Variants in ANKS1A observed in about 807,000 individuals in gnomAD.
The protein encoded by ANKS1A is ankyrin repeat and sterile alpha motif domain containing 1A, also known as ankyrin repeat and SAM domain-containing protein 1A.
ANKS1A carries 55 observed loss-of-function variants against 120.3 expected under a neutral mutation model. The ratio of observed to expected loss-of-function variants is 0.46; its 90% CI spans 0.37 to 0.57. The LOEUF (loss-of-function observed/expected upper bound fraction) is 0.57. Among genes scored for constraint, ANKS1A ranks in the 20% least tolerant of loss-of-function variants. ANKS1A has a pLI of 0.00. For missense variants in ANKS1A, 1,123 were observed against 1,480.3 expected (o/e 0.76, Z 3.96); for synonymous variants, 590 against 604.7 (o/e 0.98, Z 0.36).
At position 35,091,146 on chromosome 6, in the gene ANKS1A, A is replaced by ATCTT. The variant is rs750514885; in HGVS notation, c.*2539_*2542dup. 37 of 985,754 alleles carry ATCTT rather than the reference A, an allele frequency of 3.8e-5. No individual in the cohort carries two copies. The highest frequency in any genetic ancestry group is 4.3e-5 in the Non-Finnish European group (36 of 829,940). The allele number at this position is 985,754 out of a possible 1,614,324, so 61.1% of individuals were successfully genotyped here. ...TGAACTGTAATGAAAATGTTATTTA[A>ATCTT]TCTTTGTCTCTGTATTTTGATACTT... On this transcript the variant is annotated 3_prime_UTR_variant, in exon 24 of 24. Transcript: ENST00000360359.
rs1478576858 is a variant in ANKS1A, at chr6:35,050,937, T to C, written c.2011-3162T>C. On this transcript the variant is annotated intron_variant, in intron 11 of 23. Coordinates refer to ENST00000360359, the MANE Select transcript of ANKS1A (RefSeq NM_015245.3). The surrounding 1 kb of genome is among the most constrained non-coding windows in gnomAD (Gnocchi z 4.3). Reference sequence around the variant, plus strand: ...GAACCAGCTCAGCTTGACTTAGCCATGGCAGTTCACAGAACAATAGAACAA... The same window carrying C: ...GAACCAGCTCAGCTTGACTTAGCCACGGCAGTTCACAGAACAATAGAACAA... Among the ~76,000 whole-genome samples the C allele has an allele frequency of 6.6e-6, 1 of 152,142 alleles. No homozygotes were observed. Among genetic ancestry groups the C allele is most frequent in the African/African-American group, 2.4e-5 (1 of 41,424 alleles).
In ANKS1A at chr6:35,016,786, A is replaced by G. The variant is rs757096083; in HGVS notation, c.1424-687A>G. ...TCTCAAAAAAAAAAAAAAAAAAGAG[A>G]GAGAGAAAGAAAAGTCTGTGCTCCC... On this transcript the variant is annotated intron_variant, in intron 10 of 23. Transcript: ENST00000360359. Among the ~76,000 whole-genome samples the G allele has an allele frequency of 6.3e-4, 92 of 145,928 alleles. 2 individuals carry two copies. Among genetic ancestry groups the G allele is most frequent in the Non-Finnish European group, 4.8e-4 (32 of 66,568 alleles).
At chr6:34,998,708 A>T (rs1414202925) in intron 10 of ANKS1A, among the ~76,000 whole-genome samples, 1 of 152,114 alleles carries the variant, frequency 6.6e-6, no homozygotes, top group Non-Finnish European at 1.5e-5. Flanking sequence ...CTTAAAAGGG[A>T]CAGGAATTGC....
intron 1 of ANKS1A, among the ~76,000 whole-genome samples, chr6:34,919,670 T>G (rs1195292064): frequency 6.6e-6 from 1 of 152,196 alleles, no homozygotes; most frequent in African/African-American, 2.4e-5. Flanking sequence ...CAGTATGACC[T>G]TGGGCAAGTT....
At chr6:35,013,355 C>T (rs1341639419) in intron 10 of ANKS1A, among the ~76,000 whole-genome samples, 1 of 152,084 alleles carries the variant, frequency 6.6e-6, no homozygotes, top group African/African-American at 2.4e-5. Context: ...AGTGCAGTGG[C>T]ATGATCACAG....
At chr6:34,957,437 A>G (rs1770428687) in intron 1 of ANKS1A, among the ~76,000 whole-genome samples, 1 of 152,250 alleles carries the variant, frequency 6.6e-6, no homozygotes, top group Non-Finnish European at 1.5e-5. Context: ...TCTTTTCTAA[A>G]TTAGACTGAT....
Position 34,970,052 on chromosome 6 carries a change from C to T in ANKS1A, c.321C>T (p.Asn107=), listed in dbSNP as rs150247971. The T allele has an allele frequency of 4.2e-4, 681 of 1,614,134 alleles. 2 individuals carry two copies. The highest frequency in any genetic ancestry group is 1.2e-3 in the Middle Eastern group (7 of 6,052). ...TTCTGAGGAACGATGCGCTGACCAACGTGGCTGACTCAAAAGGCTGCTACC... is the reference window on the plus strand; with the variant it reads ...TTCTGAGGAACGATGCGCTGACCAATGTGGCTGACTCAAAAGGCTGCTACC... ...EVLLRNDALT[N]VADSKGCYPL... The change falls in exon 3 of 24, where the codon AAC becomes AAT. Residue 107 remains asparagine (N), a synonymous_variant. Coordinates refer to ENST00000360359, the MANE Select transcript of ANKS1A (RefSeq NM_015245.3).
chr6:34,940,813 C>T (rs926979716), intron 1 of ANKS1A, among the ~76,000 whole-genome samples: 5 of 150,846 alleles, frequency 3.3e-5, no homozygotes, highest in Non-Finnish European at 5.9e-5. Context: ...GAGGCTGAGG[C>T]GGGAGAATCG....
chr6:35,048,900 A>C (rs1775844011), intron 11 of ANKS1A, among the ~76,000 whole-genome samples: 1 of 152,186 alleles, frequency 6.6e-6, no homozygotes, highest in South Asian at 2.1e-4. Flanking sequence ...GCACTGTCCA[A>C]GCAAGGCCAT....
chr6:35,090,049 G>T lies in ANKS1A; in HGVS notation c.*1440G>T. 8.0e-7 allele frequency: 1 copy of T among 1,247,482 alleles called. No homozygotes were observed. The highest frequency in any genetic ancestry group is 1.0e-6 in the Non-Finnish European group (1 of 966,664). The allele number at this position is 1,247,482 out of a possible 1,614,324, so 77.3% of individuals were successfully genotyped here. On this transcript the variant is annotated 3_prime_UTR_variant, in exon 24 of 24. Transcript: ENST00000360359. ...GTGGTTGGCCAGAAATCAGAAGTGGGGCTGTGTCTCTGACTGGCTAGAGGC... is the reference window on the plus strand; with the variant it reads ...GTGGTTGGCCAGAAATCAGAAGTGGTGCTGTGTCTCTGACTGGCTAGAGGC...
intron 1 of ANKS1A, among the ~76,000 whole-genome samples, chr6:34,896,308 G>A (rs1290536755): frequency 6.6e-6 from 1 of 152,092 alleles, no homozygotes; most frequent in Non-Finnish European, 1.5e-5. Flanking sequence ...GACTTCAAGT[G>A]ATCTGCCTGC....
intron 10 of ANKS1A, 92 bp from the exon 11 acceptor site, chr6:35,017,381 C>A: frequency 7.5e-7 from 1 of 1,329,918 alleles, no homozygotes; most frequent in Non-Finnish European, 1.0e-6. Context: ...TCTGTGAATT[C>A]CTCTGCTTTG....
rs556112370 is a variant in ANKS1A, at chr6:35,050,787, C to T, written c.2011-3312C>T. Among the ~76,000 whole-genome samples the T allele has an allele frequency of 1.8e-4, 28 of 152,292 alleles. No homozygotes were observed. Among genetic ancestry groups the T allele is most frequent in the Admixed American group, 1.8e-3 (28 of 15,298 alleles). ...CTGCCAATCTCTGCCCAAACAGGACCTCTTCGCTGCCATGTCCCTCCTGGC... is the reference window on the plus strand; with the variant it reads ...CTGCCAATCTCTGCCCAAACAGGACTTCTTCGCTGCCATGTCCCTCCTGGC... On this transcript the variant is annotated intron_variant, in intron 11 of 23. Coordinates refer to ENST00000360359, the MANE Select transcript of ANKS1A (RefSeq NM_015245.3). The surrounding 1 kb of genome is among the most constrained non-coding windows in gnomAD (Gnocchi z 4.3).
At chr6:34,940,999 T>G (rs1344758170) in intron 1 of ANKS1A, among the ~76,000 whole-genome samples, 1 of 152,146 alleles carries the variant, frequency 6.6e-6, no homozygotes, top group Non-Finnish European at 1.5e-5. Flanking sequence ...AAAAAAAATT[T>G]TTTTTTTGAG....
At chr6:35,010,182 A>AT (rs542630603) in intron 10 of ANKS1A, among the ~76,000 whole-genome samples, 10 of 150,712 alleles carry the variant, frequency 6.6e-5, no homozygotes, top group East Asian at 3.9e-4. Context: ...AATAATAATA[A>AT]TTTTTTTTTT....
chr6:34,913,662 A>G (rs1463887060), intron 1 of ANKS1A, among the ~76,000 whole-genome samples: 1 of 151,574 alleles, frequency 6.6e-6, no homozygotes, highest in Non-Finnish European at 1.5e-5. Context: ...TTTGAGACAG[A>G]GTTTTGCTCT....
In ANKS1A at chr6:35,090,457, G is replaced by T; in HGVS notation, c.*1848G>T. On this transcript the variant is annotated 3_prime_UTR_variant, in exon 24 of 24. Transcript: ENST00000360359. The stretch of plus-strand genomic sequence containing the variant: ...GACACTACGATGCACTCCTCAAGCT[G>T]TCTTTTGTGCTTAGATCATCCATAG... 1 of 1,167,956 alleles carries T rather than the reference G, an allele frequency of 8.6e-7. No homozygotes were observed. Among genetic ancestry groups the T allele is most frequent in the Non-Finnish European group, 1.1e-6 (1 of 929,878 alleles). The allele number at this position is 1,167,956 out of a possible 1,614,324, so 72.3% of individuals were successfully genotyped here.
intron 10 of ANKS1A, among the ~76,000 whole-genome samples, chr6:34,995,135 A>G (rs1413572719): frequency 1.3e-5 from 2 of 152,186 alleles, no homozygotes; most frequent in African/African-American, 4.8e-5. Flanking sequence ...TGCAGGTATT[A>G]GGGCCTTCAT....
the ANKS1A span, among the ~76,000 whole-genome samples, chr6:35,097,234 G>A: frequency 3.8e-5 from 2 of 52,844 alleles, no homozygotes; most frequent in Non-Finnish European, 8.5e-5. Context: ...ATAAAAGTTA[G>A]GTTCTCAGGG....
Sources: gnomAD v4.1 joint callset for allele counts (sites outside exome capture counted in the v4.1 genomes callset) on GRCh38, gnomAD v4.1.1 for gene constraint, Gnocchi (gnomAD v3.1) non-coding constraint, MANE v1.5 for transcripts, NCBI Gene and HGNC (gene_info 2026-07-23, HGNC 2026-07-21) for gene names.